The following TTK variants were observed in gnomAD, a reference collection of about 807,000 sequenced individuals.
TTK encodes the protein dual specificity protein kinase TTK.
Under a neutral mutation model 117.3 loss-of-function variants are expected in TTK, and 59 were observed. The observed-to-expected ratio is 0.50, with a 90% CI of 0.41 to 0.62. TTK has a LOEUF of 0.62. Ranked by LOEUF, TTK falls within the 20% of genes least tolerant of loss-of-function variation. The pLI, the probability that TTK is intolerant of heterozygous loss-of-function variation, is 0.00. For missense variants in TTK, 921 were observed against 989.4 expected (o/e 0.93, Z 0.93); for synonymous variants, 302 against 325.0 (o/e 0.93, Z 0.76).
chr6:80,008,294 T>A, intron 3 of TTK, 92 bp from the exon 4 acceptor site: 1 of 1,261,866 alleles, frequency 7.9e-7, no homozygotes, highest in East Asian at 2.5e-5. Context: ...AAAAGCAATA[T>A]CCCATGTTTT....
chr6:80,035,293 G>A lies in TTK; in HGVS notation c.1800G>A (p.Met600Ile), dbSNP rs757647603. The A allele has an allele frequency of 1.2e-6, 2 of 1,606,794 alleles. No individual in the cohort carries two copies. Among genetic ancestry groups the A allele is most frequent in the Non-Finnish European group, 1.7e-6 (2 of 1,177,758 alleles). Reference sequence around the variant, plus strand: ...AAATCACGGACCAGTACATCTACATGGTAATGGAGTGTGGAAATATTGATC... The same window carrying A: ...AAATCACGGACCAGTACATCTACATAGTAATGGAGTGTGGAAATATTGATC... Reference protein sequence around the residue: ...DYEITDQYIYMVMECGNIDLN... With the variant: ...DYEITDQYIYIVMECGNIDLN... The change falls in exon 16 of 22, where the codon ATG (methionine) becomes ATA (isoleucine). Residue 600 changes from methionine (M) to isoleucine (I), a missense_variant. Physicochemically the swap from Met to Ile is conservative, Grantham distance 10. Coordinates refer to ENST00000369798, the MANE Select transcript of TTK (RefSeq NM_003318.5).
rs1767031893 is a variant in TTK, at chr6:80,007,757, T to C, written c.140-52T>C. 6.2e-6 allele frequency: 9 copies of C among 1,460,620 alleles called. No individual in the cohort carries two copies. The Admixed American group carries it at 2.0e-4, about 32-fold the overall frequency. 90.5% of individuals were successfully genotyped at this position (1,460,620 alleles called of 1,614,324 possible). ...TATATTTTGAAGGAAAAATGCAATTTGGCATTTGTTTTATGTCTTTTCTTG... is the reference window on the plus strand; with the variant it reads ...TATATTTTGAAGGAAAAATGCAATTCGGCATTTGTTTTATGTCTTTTCTTG... On this transcript the variant is annotated intron_variant, in intron 2 of 21. Coordinates refer to ENST00000369798, the MANE Select transcript of TTK (RefSeq NM_003318.5).
intron 19 of TTK, 52 bp from the exon 20 acceptor site, chr6:80,040,144 C>A: frequency 7.4e-7 from 1 of 1,357,838 alleles, no homozygotes; most frequent in South Asian, 1.6e-5. Flanking sequence ...TTATCAATAT[C>A]ATATATGAAA....
intron 21 of TTK, 25 bp from the exon 22 acceptor site, chr6:80,042,094 A>C (rs774852353): frequency 6.7e-7 from 1 of 1,499,868 alleles, no homozygotes; most frequent in South Asian, 1.4e-5. Flanking sequence ...AAATTGCAAA[A>C]CAGATTTGTG....
intron 15 of TTK, 46 bp downstream of exon 15, chr6:80,035,188 T>G: frequency 2.0e-6 from 3 of 1,529,326 alleles, no homozygotes; most frequent in Non-Finnish European, 2.6e-6. Context: ...TTGCCATAAT[T>G]CTTCAGGTAA....
chr6:80,012,297 T>C (rs1767181651), intron 8 of TTK, among the ~76,000 whole-genome samples: 1 of 152,030 alleles, frequency 6.6e-6, no homozygotes, highest in Admixed American at 6.6e-5. Flanking sequence ...CTTCCTGTTT[T>C]GTTTGAGAGT....
chr6:80,040,529 T>C (rs1768019938), intron 20 of TTK, 77 bp from the exon 21 acceptor site: 2 of 1,270,354 alleles, frequency 1.6e-6, no homozygotes, highest in East Asian at 4.8e-5. Context: ...CACTTTGTGC[T>C]ATTAAACAAA....
intron 10 of TTK, among the ~76,000 whole-genome samples, chr6:80,018,340 G>A (rs953728120): frequency 1.3e-5 from 2 of 152,000 alleles, no homozygotes; most frequent in Non-Finnish European, 2.9e-5. Flanking sequence ...AGCTGGCCGG[G>A]CACGGTGGCT....
At chr6:80,025,645 T>A (rs1043768227) in intron 11 of TTK, among the ~76,000 whole-genome samples, 1 of 152,194 alleles carries the variant, frequency 6.6e-6, no homozygotes, top group Non-Finnish European at 1.5e-5. Context: ...TGTTGTAGCT[T>A]TTCACCTCTG....
chr6:80,037,955 CT>C lies in TTK; in HGVS notation c.2050-10del. ...TTTCATTGATTTGTGTTTTCTCTGA[CT>C]TGGCATATAGGTTGGCACAGTTAAT... On this transcript the variant is annotated splice_polypyrimidine_tract_variant and intron_variant, in intron 17 of 21. Transcript: ENST00000369798. 6.5e-7 allele frequency: 1 copy of C among 1,527,146 alleles called. No homozygotes were observed. The highest frequency in any genetic ancestry group is 2.4e-5 in the East Asian group (1 of 41,846). The allele number at this position is 1,527,146 out of a possible 1,614,324, so 94.6% of individuals were successfully genotyped here.
chr6:80,018,348 G>C (rs1767366746), intron 10 of TTK, among the ~76,000 whole-genome samples: 1 of 151,986 alleles, frequency 6.6e-6, no homozygotes, highest in African/African-American at 2.4e-5. Flanking sequence ...GGGCACGGTG[G>C]CTCACACCTG....
At chr6:80,016,134 A>G (rs1582094040) in intron 10 of TTK, among the ~76,000 whole-genome samples, 1 of 152,234 alleles carries the variant, frequency 6.6e-6, no homozygotes, top group African/African-American at 2.4e-5. Flanking sequence ...GTTTATTCAC[A>G]TGTACATGGA....
At chr6:80,033,578 A>G (rs1767813586) in intron 14 of TTK, among the ~76,000 whole-genome samples, 1 of 152,192 alleles carries the variant, frequency 6.6e-6, no homozygotes, top group South Asian at 2.1e-4. Flanking sequence ...TGAATTTATT[A>G]GTTGAATTGA....
At chr6:80,015,031 A>G (rs538527909) in intron 10 of TTK, among the ~76,000 whole-genome samples, 50 of 152,188 alleles carry the variant, frequency 3.3e-4, no homozygotes, top group Non-Finnish European at 6.8e-4. Context: ...TATAAATGCA[A>G]TGCTGAATAG....
In TTK at chr6:80,031,514, AATTT is replaced by A. The variant is rs1767759390; in HGVS notation, c.1573_1576del (p.Tyr525ProfsTer3). The A allele has an allele frequency of 6.5e-7, 1 of 1,531,864 alleles. No homozygotes were observed. Among genetic ancestry groups the A allele is most frequent in the Non-Finnish European group, 8.7e-7 (1 of 1,145,848 alleles). 94.9% of individuals were successfully genotyped at this position (1,531,864 alleles called of 1,614,324 possible). ...ATGAATGCATTTCGGTTAAAGGAAGAATTTATTCCATATTAAAGCAGATAGGAAG... is the reference window on the plus strand; with the variant it reads ...ATGAATGCATTTCGGTTAAAGGAAGAATTCCATATTAAAGCAGATAGGAAG... On this transcript the variant is annotated frameshift_variant, in exon 14 of 22. Transcript: ENST00000369798. LOFTEE classifies it high-confidence loss of function.
chr6:80,011,722 T>C lies in TTK; in HGVS notation c.729-7T>C, dbSNP rs1767161811. On this transcript the variant is annotated splice_polypyrimidine_tract_variant and splice_region_variant and intron_variant, in intron 6 of 21. Transcript: ENST00000369798. Reference sequence around the variant, plus strand: ...TGAAAAATTGGGGGTATTTTCTTTCTGTTTAGAGAGAACATGCCACCACAA... The same window carrying C: ...TGAAAAATTGGGGGTATTTTCTTTCCGTTTAGAGAGAACATGCCACCACAA... The C allele has an allele frequency of 1.9e-6, 3 of 1,611,960 alleles. No individual in the cohort carries two copies. The highest frequency in any genetic ancestry group is 2.5e-6 in the Non-Finnish European group (3 of 1,178,948).
Position 80,035,044 on chromosome 6 carries a change from A to G in TTK, c.1674A>G (p.Glu558=). Residue 558 remains glutamate (E), a synonymous_variant, in exon 15 of 22, where the codon GAA becomes GAG. Transcript: ENST00000369798. ...QIYAIKYVNL[E]EADNQTLDSY... is the part of the protein sequence containing the mutation. ...ATGCTATAAAATATGTGAACTTAGA[A>G]GAAGCAGATAACCAAACTCTTGATA... The G allele has an allele frequency of 1.9e-6, 3 of 1,601,556 alleles. No homozygotes were observed. The highest frequency in any genetic ancestry group is 2.6e-6 in the Non-Finnish European group (3 of 1,176,240).
At chr6:80,023,964 CT>C (rs1358008056) in intron 11 of TTK, among the ~76,000 whole-genome samples, 1 of 151,302 alleles carries the variant, frequency 6.6e-6, no homozygotes, top group African/African-American at 2.5e-5. Flanking sequence ...AGCATCTCCT[CT>C]TTTTTTTCTA....
intron 10 of TTK, among the ~76,000 whole-genome samples, chr6:80,018,647 A>T (rs891169497): frequency 7.2e-5 from 10 of 138,658 alleles, no homozygotes; most frequent in East Asian, 2.1e-4. Context: ...AAAAAAAAAA[A>T]ATATAGCTTT....
Sources: allele counts gnomAD v4.1 joint callset (sites outside exome capture counted in the v4.1 genomes callset), GRCh38; gene constraint gnomAD v4.1.1; transcripts MANE v1.5; gene names NCBI Gene and HGNC (gene_info 2026-07-23, HGNC 2026-07-21).